The following G3BP1 variants were observed in gnomAD, a reference collection of about 807,000 sequenced individuals.
The protein encoded by G3BP1 is ras GTPase-activating protein-binding protein 1.
Under a neutral mutation model 58.6 loss-of-function variants are expected in G3BP1, and 35 were observed. The ratio of observed to expected loss-of-function variants is 0.60; its 90% CI spans 0.46 to 0.79. The LOEUF (loss-of-function observed/expected upper bound fraction) is 0.79, where lower values mean the gene tolerates loss of function less well. Among genes scored for constraint, G3BP1 ranks in the 30% least tolerant of loss-of-function variants. The pLI, the probability that G3BP1 is intolerant of heterozygous loss-of-function variation, is 0.00. For synonymous variants in G3BP1, 191 were observed against 195.4 expected, an observed-to-expected ratio of 0.98 and a Z score of 0.19; for missense variants, 523 against 580.8, an observed-to-expected ratio of 0.90 and a Z score of 1.02.
intron 1 of G3BP1, among the ~76,000 whole-genome samples, chr5:151,776,174 A>G (rs562782636): frequency 6.6e-6 from 1 of 152,206 alleles, no homozygotes; most frequent in South Asian, 2.1e-4. Flanking sequence ...TTTGGATTTG[A>G]TGTTAAGGAT....
chr5:151,784,240 G>C (rs2113224919), intron 1 of G3BP1, among the ~76,000 whole-genome samples: 1 of 152,206 alleles, frequency 6.6e-6, no homozygotes, highest in Middle Eastern at 3.4e-3. Context: ...AGACTTTCAG[G>C]AATGTGCCAC....
intron 1 of G3BP1, among the ~76,000 whole-genome samples, chr5:151,783,839 T>G (rs1762513597): frequency 6.6e-6 from 1 of 152,168 alleles, no homozygotes; most frequent in Non-Finnish European, 1.5e-5. Context: ...CTCAGCTAAC[T>G]GCAACCTCCG....
At chr5:151,778,913 C>T (rs751527769) in intron 1 of G3BP1, among the ~76,000 whole-genome samples, 2 of 151,748 alleles carry the variant, frequency 1.3e-5, no homozygotes, top group African/African-American at 2.4e-5. Context: ...AAAAATTAGT[C>T]GGGCGTGGTG....
intron 11 of G3BP1, among the ~76,000 whole-genome samples, chr5:151,802,091 A>G (rs1253637058): frequency 6.6e-6 from 1 of 152,258 alleles, no homozygotes; most frequent in Non-Finnish European, 1.5e-5. Context: ...TGCTGGGATT[A>G]TAGGTGCGAG....
chr5:151,785,786 A>G (rs1408231603), intron 1 of G3BP1, among the ~76,000 whole-genome samples: 1 of 152,222 alleles, frequency 6.6e-6, no homozygotes, highest in African/African-American at 2.4e-5. Flanking sequence ...AGAATGAAGT[A>G]GTAAGCATAT....
intron 1 of G3BP1, among the ~76,000 whole-genome samples, chr5:151,778,392 A>C (rs1762409437): frequency 6.6e-6 from 1 of 152,170 alleles, no homozygotes; most frequent in Admixed American, 6.5e-5. Flanking sequence ...TTCTTTGGCG[A>C]AATATCTTTA....
rs141455845 is a variant in G3BP1 at position 151,789,090 on chromosome 5, A to G, written c.96-1233A>G. 1.1e-4 allele frequency among the ~76,000 whole-genome samples: 16 copies of G among 152,160 alleles called. No homozygotes were observed. The East Asian group carries it at 2.9e-3, about 28-fold the overall frequency. ...GTGCCCAGCCTTTTTTTGTATTTTT[A>G]TATTTGGTTAATTTCTTTCTACCCC... On this transcript the variant is annotated intron_variant, in intron 2 of 11. Transcript: ENST00000356245.
intron 2 of G3BP1, among the ~76,000 whole-genome samples, chr5:151,789,301 G>A (rs1422412449): frequency 6.6e-5 from 10 of 151,984 alleles, no homozygotes; most frequent in East Asian, 1.9e-4. Flanking sequence ...AAAAAAAGGC[G>A]GAGGTTGCAG....
At position 151,803,745 on chromosome 5, in the gene G3BP1, C is replaced by T. The variant is rs973340024; in HGVS notation, c.1195-140C>T. 3.5e-5 allele frequency: 20 copies of T among 578,904 alleles called. No individual in the cohort carries two copies. The Admixed American group carries it at 5.3e-4, about 15-fold the overall frequency. The allele number at this position is 578,904 out of a possible 1,614,324, so 35.9% of individuals were successfully genotyped here. ...TCCTGACCTCGTAATCCACCCGTCT[C>T]GGCCTCCCAAAGTGCTGGGATTACA... On this transcript the variant is annotated intron_variant, in intron 11 of 11. Coordinates refer to ENST00000356245, the MANE Select transcript of G3BP1 (RefSeq NM_005754.3).
chr5:151,782,530 G>T (rs1285276019), intron 1 of G3BP1, among the ~76,000 whole-genome samples: 1 of 152,052 alleles, frequency 6.6e-6, no homozygotes, highest in Non-Finnish European at 1.5e-5. Context: ...TCATTCTTAA[G>T]AATATTATTT....
chr5:151,800,650 C>G, intron 10 of G3BP1, 110 bp from the exon 11 acceptor site: 1 of 722,324 alleles, frequency 1.4e-6, no homozygotes, highest in Non-Finnish European at 2.5e-6. Flanking sequence ...ATTTATAATT[C>G]AAGTGCTCAG....
At chr5:151,800,395 A>G in intron 10 of G3BP1, 49 bp downstream of exon 10, 1 of 1,423,498 alleles carries the variant, frequency 7.0e-7, no homozygotes, top group South Asian at 1.2e-5. Context: ...TCTCTCTAGC[A>G]CTGTCCAGTA....
At chr5:151,803,075 C>A (rs7734314) in intron 11 of G3BP1, among the ~76,000 whole-genome samples, 1 of 152,032 alleles carries the variant, frequency 6.6e-6, no homozygotes, top group Non-Finnish European at 1.5e-5. Flanking sequence ...TTCGTAGCCC[C>A]TTAACTACTT....
intron 2 of G3BP1, among the ~76,000 whole-genome samples, chr5:151,788,020 G>T (rs1762580366): frequency 1.3e-5 from 2 of 151,808 alleles, no homozygotes; most frequent in Non-Finnish European, 2.9e-5. Flanking sequence ...GAACTCTTGG[G>T]CTCAGACGAT....
At chr5:151,786,760 T>G (rs1379612188) in intron 2 of G3BP1, 45 bp downstream of exon 2, 3 of 1,105,816 alleles carry the variant, frequency 2.7e-6, no homozygotes, top group Non-Finnish European at 4.2e-6. Flanking sequence ...TCTTTTAGTA[T>G]GTGGTACTTA....
chr5:151,801,772 A>G (rs903279786), intron 11 of G3BP1, among the ~76,000 whole-genome samples: 3 of 151,980 alleles, frequency 2.0e-5, no homozygotes, highest in African/African-American at 7.2e-5. Context: ...GATCAGTGAT[A>G]TTCTCCAGAA....
At chr5:151,772,796 C>G (rs1762294824) in intron 1 of G3BP1, 1 of 152,226 alleles carries the variant, frequency 6.6e-6, no homozygotes, top group Non-Finnish European at 1.5e-5. Flanking sequence ...CCCCGCTTCC[C>G]AAGCCTGTTT....
intron 1 of G3BP1, chr5:151,772,379 C>T (rs1762283511): frequency 1.3e-5 from 2 of 149,388 alleles, no homozygotes; most frequent in East Asian, 1.9e-4. Context: ...GCCCGCCACC[C>T]TCTCCGCCAC....
chr5:151,802,659 C>T (rs775454010), intron 11 of G3BP1, among the ~76,000 whole-genome samples: 1 of 152,170 alleles, frequency 6.6e-6, no homozygotes, highest in Non-Finnish European at 1.5e-5. Context: ...TAGAGCTGGG[C>T]ACAGTGGCTC....
Sources: gnomAD v4.1 joint callset for allele counts (sites outside exome capture counted in the v4.1 genomes callset) on GRCh38, gnomAD v4.1.1 for gene constraint, MANE v1.5 for transcripts, NCBI Gene and HGNC (gene_info 2026-07-23, HGNC 2026-07-21) for gene names.